ME1: variants seen among roughly 807,000 people sequenced by gnomAD.
ME1 encodes malic enzyme 1.
Under a neutral mutation model 66.4 loss-of-function variants are expected in ME1, and 74 were observed. The ratio of observed to expected loss-of-function variants is 1.11; its 90% confidence interval spans 0.92 to 1.35. ME1 has a LOEUF of 1.35. ME1 is among the 40% of genes most tolerant of loss of function. The pLI, the probability that ME1 is intolerant of heterozygous loss-of-function variation, is 0.00. For synonymous variants in ME1, 251 were observed against 235.6 expected (o/e 1.07, Z -0.60); for missense variants, 750 against 694.1 (o/e 1.08, Z -0.90).
At chr6:83,419,778 G>C (rs1330462540) in intron 1 of ME1, among the ~76,000 whole-genome samples, 1 of 152,000 alleles carries the variant, frequency 6.6e-6, no homozygotes, top group Non-Finnish European at 1.5e-5. Context: ...GGCAGCTCTG[G>C]CTATGGTAGA....
At chr6:83,229,446 A>G (rs1790258029) in intron 9 of ME1, among the ~76,000 whole-genome samples, 1 of 152,152 alleles carries the variant, frequency 6.6e-6, no homozygotes, top group South Asian at 2.1e-4. Context: ...TGAATGCGCC[A>G]TGTGTTATCT....
chr6:83,361,568 T>G (rs1275693261), intron 3 of ME1, among the ~76,000 whole-genome samples: 2 of 152,250 alleles, frequency 1.3e-5, no homozygotes, highest in Non-Finnish European at 2.9e-5. Flanking sequence ...ATAGGGATGC[T>G]GTTTGGAGCC....
At chr6:83,250,440 G>A (rs994206288) in intron 7 of ME1, among the ~76,000 whole-genome samples, 1 of 152,122 alleles carries the variant, frequency 6.6e-6, no homozygotes, top group Non-Finnish European at 1.5e-5. Flanking sequence ...CTAGTAAAGG[G>A]CAAAGCAAAT....
At chr6:83,427,472 A>G (rs1458262967) in intron 1 of ME1, among the ~76,000 whole-genome samples, 6 of 152,322 alleles carry the variant, frequency 3.9e-5, no homozygotes, top group Admixed American at 1.3e-4. Context: ...ACTACATTTC[A>G]GCATACTATA....
chr6:83,352,401 A>G (rs1397665308), intron 3 of ME1, among the ~76,000 whole-genome samples: 2 of 152,130 alleles, frequency 1.3e-5, no homozygotes, highest in Non-Finnish European at 2.9e-5. Context: ...AAATTAATAA[A>G]CATTTACTAT....
chr6:83,397,726 G>C (rs1356645227), intron 3 of ME1, among the ~76,000 whole-genome samples: 1 of 152,088 alleles, frequency 6.6e-6, no homozygotes, highest in Non-Finnish European at 1.5e-5. Context: ...TGGGATCAAG[G>C]TAAGAGTCCA....
chr6:83,333,979 G>A (rs1768469423), intron 5 of ME1, among the ~76,000 whole-genome samples: 1 of 151,938 alleles, frequency 6.6e-6, no homozygotes, highest in South Asian at 2.1e-4. Context: ...TGGCCGAATA[G>A]GAACAGCTCT....
intron 2 of ME1, among the ~76,000 whole-genome samples, chr6:83,398,973 C>G (rs535159277): frequency 6.6e-6 from 1 of 152,066 alleles, no homozygotes; most frequent in Non-Finnish European, 1.5e-5. Flanking sequence ...CCACCACACC[C>G]GGCTTATTTT....
chr6:83,322,265 TC>T (rs1203170575), intron 5 of ME1, among the ~76,000 whole-genome samples: 2 of 151,922 alleles, frequency 1.3e-5, no homozygotes, highest in Non-Finnish European at 2.9e-5. Context: ...GGATCACAAC[TC>T]CTCACCAGCA....
chr6:83,340,142 T>A (rs1768550815), intron 5 of ME1, among the ~76,000 whole-genome samples: 1 of 152,176 alleles, frequency 6.6e-6, no homozygotes. Context: ...CTTTACTGAG[T>A]GCTATAATTT....
At chr6:83,270,498 A>T (rs1213980326) in intron 6 of ME1, among the ~76,000 whole-genome samples, 1 of 152,140 alleles carries the variant, frequency 6.6e-6, no homozygotes, top group African/African-American at 2.4e-5. Context: ...TATAGTGATT[A>T]GAAACAGCTG....
At chr6:83,283,277 T>G (rs1160031619) in intron 6 of ME1, among the ~76,000 whole-genome samples, 8 of 145,674 alleles carry the variant, frequency 5.5e-5, no homozygotes, top group Non-Finnish European at 1.2e-4. Flanking sequence ...TGCAGGGGCA[T>G]GGATGAAGCT....
chr6:83,212,013 T>C lies in ME1; in HGVS notation c.1630A>G (p.Met544Val), dbSNP rs751876294. 1.2e-6 allele frequency: 2 copies of C among 1,613,274 alleles called. No individual in the cohort carries two copies. Among genetic ancestry groups the C allele is most frequent in the Non-Finnish European group, 1.7e-6 (2 of 1,179,466 alleles). ...ATCTGGTCATAATCAGTACTATACA[T>C]CTGGGAGCGGACAAATGCTTCTTTG... ...QNKEAFVRSQMYSTDYDQILP... is the reference protein window; with the variant it reads ...QNKEAFVRSQVYSTDYDQILP... Residue 544 changes from methionine (M) to valine (V), a missense_variant, in exon 14 of 14, where the codon ATG becomes GTG. Physicochemically the swap from Met to Val is conservative, Grantham distance 21. Transcript: ENST00000369705.
At chr6:83,302,317 A>C (rs1476813705) in intron 6 of ME1, among the ~76,000 whole-genome samples, 1 of 152,040 alleles carries the variant, frequency 6.6e-6, no homozygotes, top group Non-Finnish European at 1.5e-5. Context: ...GGAGGTTGGG[A>C]GGAGGGAGAA....
intron 5 of ME1, among the ~76,000 whole-genome samples, chr6:83,316,670 T>C (rs188945243): frequency 3.1e-4 from 47 of 151,942 alleles, no homozygotes; most frequent in African/African-American, 9.9e-4. Flanking sequence ...TAGAAAATAC[T>C]AAGAAATCTA....
At chr6:83,284,110 T>C (rs1767355168) in intron 6 of ME1, among the ~76,000 whole-genome samples, 1 of 152,166 alleles carries the variant, frequency 6.6e-6, no homozygotes, top group South Asian at 2.1e-4. Context: ...TGAACACCTC[T>C]ATGCACATGA....
At chr6:83,329,819 T>C (rs1768370590) in intron 5 of ME1, among the ~76,000 whole-genome samples, 2 of 152,176 alleles carry the variant, frequency 1.3e-5, no homozygotes, top group Non-Finnish European at 2.9e-5. Context: ...TTTTATGTCT[T>C]CTTTTAAAAT....
chr6:83,321,510 C>T (rs1416962770), intron 5 of ME1, among the ~76,000 whole-genome samples: 2 of 152,040 alleles, frequency 1.3e-5, no homozygotes, highest in African/African-American at 4.8e-5. Context: ...CAGTTTTCCC[C>T]TCACAGTGTA....
intron 6 of ME1, among the ~76,000 whole-genome samples, chr6:83,272,402 A>G (rs1033132364): frequency 1.5e-4 from 23 of 152,310 alleles, no homozygotes; most frequent in African/African-American, 5.1e-4. Context: ...CAAGTGTTAC[A>G]GAAGATAATT....
Sources: allele counts gnomAD v4.1 joint callset (sites outside exome capture counted in the v4.1 genomes callset), GRCh38; gene constraint gnomAD v4.1.1; transcripts MANE v1.5; gene names NCBI Gene and HGNC (gene_info 2026-07-23, HGNC 2026-07-21).